COL12A1: variants seen among roughly 807,000 people sequenced by gnomAD.
COL12A1 encodes collagen alpha-1(XII) chain.
COL12A1 carries 114 observed loss-of-function variants against 349.7 expected under a neutral mutation model. That is an observed-to-expected ratio of 0.33 (90% CI 0.28 to 0.38). The LOEUF is 0.38. COL12A1 is among the 10% of genes least tolerant of loss of function. The probability of loss-of-function intolerance (pLI) is 1.00; values close to 1 mark genes in which losing one functional copy is unlikely to be tolerated. For synonymous variants in COL12A1, 1,369 were observed against 1,329.0 expected, an observed-to-expected ratio of 1.03 and a Z score of -0.66; for missense variants, 3,284 against 3,756.9, an observed-to-expected ratio of 0.87 and a Z score of 3.29.
intron 59 of COL12A1, among the ~76,000 whole-genome samples, chr6:75,096,411 A>G (rs1393607760): frequency 6.6e-6 from 1 of 152,150 alleles, no homozygotes; most frequent in Non-Finnish European, 1.5e-5. Flanking sequence ...ACCTCAAACA[A>G]TTTTACTGCG....
chr6:75,145,056 C>T (rs1767109295), intron 25 of COL12A1, among the ~76,000 whole-genome samples: 1 of 152,024 alleles, frequency 6.6e-6, no homozygotes, highest in Non-Finnish European at 1.5e-5. Flanking sequence ...GGCACCTAGC[C>T]AAGAGCAATA....
chr6:75,134,778 G>A lies in COL12A1; in HGVS notation c.5472C>T (p.Ser1824=). 1 of 1,613,212 alleles carries A rather than the reference G, an allele frequency of 6.2e-7. No homozygotes were observed. The highest frequency in any genetic ancestry group is 8.5e-7 in the Non-Finnish European group (1 of 1,179,412). The change falls in exon 32 of 66, where the codon TCC becomes TCT. Residue 1824 remains serine, a synonymous_variant. Transcript: ENST00000322507. Reference sequence around the variant, plus strand: ...CTCCTTCACCATCAGGATACAGAGAGGATACGGTGATAGTGTAAGGAGTGT... The same window carrying A: ...CTCCTTCACCATCAGGATACAGAGAAGATACGGTGATAGTGTAAGGAGTGT... ...KPDTPYTITV[S]SLYPDGEGGR... is the part of the protein sequence containing the mutation.
intron 52 of COL12A1, among the ~76,000 whole-genome samples, chr6:75,107,613 T>G (rs1768634285): frequency 6.6e-6 from 1 of 152,162 alleles, no homozygotes; most frequent in South Asian, 2.1e-4. Flanking sequence ...AAAGTAACAT[T>G]AAAGTAAATT....
rs77785146 is a variant in COL12A1 at position 75,176,907 on chromosome 6, C to T, written c.2437+756G>A. 2.0e-4 allele frequency among the ~76,000 whole-genome samples: 30 copies of T among 152,198 alleles called. No homozygotes were observed. In the East Asian group the frequency reaches 4.6e-3, roughly 24 times the overall value. On this transcript the variant is annotated intron_variant, in intron 12 of 65. Coordinates refer to ENST00000322507, the MANE Select transcript of COL12A1 (RefSeq NM_004370.6). Reference sequence around the variant, plus strand: ...CCTCACTTTTCCCCCAATGAAATCACGTATTAAACATTAATAATTTCAACA... The same window carrying T: ...CCTCACTTTTCCCCCAATGAAATCATGTATTAAACATTAATAATTTCAACA...
In COL12A1 at chr6:75,086,544, G is replaced by T. The variant is rs199859483; in HGVS notation, c.*3C>A. The stretch of plus-strand genomic sequence containing the variant: ...AAGCAGCACTGGCGACTTAGAAAAT[G>T]TGTTAGCCGGAACCTGAAACAGGTC... On this transcript the variant is annotated 3_prime_UTR_variant, in exon 66 of 66. Coordinates refer to ENST00000322507, the MANE Select transcript of COL12A1 (RefSeq NM_004370.6). 1 of 1,606,826 alleles carries T rather than the reference G, an allele frequency of 6.2e-7. No individual in the cohort carries two copies. The highest frequency in any genetic ancestry group is 8.5e-7 in the Non-Finnish European group (1 of 1,175,812).
At chr6:75,139,354 G>A (rs1463451530) in intron 27 of COL12A1, among the ~76,000 whole-genome samples, 1 of 152,016 alleles carries the variant, frequency 6.6e-6, no homozygotes, top group African/African-American at 2.4e-5. Flanking sequence ...TAGACTCTGG[G>A]TTAAGAAGTC....
At chr6:75,133,464 T>G in intron 33 of COL12A1, 42 bp from the exon 34 acceptor site, 1 of 1,576,398 alleles carries the variant, frequency 6.3e-7, no homozygotes, top group East Asian at 2.3e-5. Flanking sequence ...CTTGAAAAAT[T>G]TGTGAAAGAA....
At chr6:75,183,803 T>C in intron 9 of COL12A1, 51 bp downstream of exon 9, 1 of 1,594,116 alleles carries the variant, frequency 6.3e-7, no homozygotes. Flanking sequence ...AGGCATTCTG[T>C]CAAACAGATC....
chr6:75,164,967 CTAAGT>C (rs1451036836), intron 14 of COL12A1, among the ~76,000 whole-genome samples: 1 of 151,812 alleles, frequency 6.6e-6, no homozygotes, highest in African/African-American at 2.4e-5. Context: ...AATTAAAAAA[CTAAGT>C]TAAGTCTTGG....
At chr6:75,185,318 CACA>C (rs1260379427) in intron 8 of COL12A1, among the ~76,000 whole-genome samples, 2 of 152,062 alleles carry the variant, frequency 1.3e-5, no homozygotes, top group African/African-American at 4.8e-5. Flanking sequence ...CATTCCTATA[CACA>C]ACAACAGTCA....
Position 75,130,949 on chromosome 6 carries a change from A to G in COL12A1, c.5970T>C (p.His1990=), listed in dbSNP as rs1766272309. ...IVVPGNTRMV[H]LERLIPDTLY... Reference sequence around the variant, plus strand: ...GTGTGTCCGGAATCAGCCGCTCCAGATGCACCATGCGCGTGTTTCCTGGCA... The same window carrying G: ...GTGTGTCCGGAATCAGCCGCTCCAGGTGCACCATGCGCGTGTTTCCTGGCA... Residue 1990 remains histidine (H), a synonymous_variant, in exon 36 of 66, where the codon CAT becomes CAC. Coordinates refer to ENST00000322507, the MANE Select transcript of COL12A1 (RefSeq NM_004370.6). The G allele has an allele frequency of 4.3e-6, 7 of 1,614,020 alleles. No homozygotes were observed. Among genetic ancestry groups the G allele is most frequent in the South Asian group, 1.1e-5 (1 of 91,088 alleles).
intron 30 of COL12A1, among the ~76,000 whole-genome samples, chr6:75,137,975 G>T (rs1001527674): frequency 6.6e-6 from 1 of 151,762 alleles, no homozygotes; most frequent in African/African-American, 2.4e-5. Flanking sequence ...CCGAGAAAGG[G>T]GCTGGCTAGC....
chr6:75,155,344 TTGTG>T (rs1301458831), intron 16 of COL12A1, among the ~76,000 whole-genome samples: 5 of 152,134 alleles, frequency 3.3e-5, no homozygotes, highest in Non-Finnish European at 7.3e-5. Context: ...TTCGGTGACA[TTGTG>T]TAATAAGAAC....
At chr6:75,160,322 C>T (rs1269247902) in intron 14 of COL12A1, among the ~76,000 whole-genome samples, 1 of 152,142 alleles carries the variant, frequency 6.6e-6, no homozygotes, top group African/African-American at 2.4e-5. Flanking sequence ...TCAATGTATT[C>T]GTTTCATTGT....
intron 2 of COL12A1, among the ~76,000 whole-genome samples, chr6:75,198,606 C>G (rs1770356423): frequency 6.6e-6 from 1 of 151,978 alleles, no homozygotes; most frequent in Admixed American, 6.6e-5. Context: ...GCATTTAAAA[C>G]TAAAGTGTCC....
intron 12 of COL12A1, among the ~76,000 whole-genome samples, chr6:75,176,363 CT>C: frequency 7.5e-6 from 1 of 132,966 alleles, no homozygotes; most frequent in African/African-American, 2.9e-5. Context: ...GAGAGGGATG[CT>C]GTGGGAGGTG....
rs140922614 is a variant in COL12A1 at position 75,141,010 on chromosome 6, A to G, written c.4957+1022T>C. Reference sequence around the variant, plus strand: ...AGAAAAAAGGTAAAATGTCTCGTTAATAATTATTGTACTGATAGCTGTTGA... The same window carrying G: ...AGAAAAAAGGTAAAATGTCTCGTTAGTAATTATTGTACTGATAGCTGTTGA... On this transcript the variant is annotated intron_variant, in intron 27 of 65. Transcript: ENST00000322507. Among the ~76,000 whole-genome samples the G allele has an allele frequency of 1.8e-3, 281 of 152,334 alleles. 1 individual carries two copies. Among genetic ancestry groups the G allele is most frequent in the Middle Eastern group, 6.8e-3 (2 of 292 alleles).
intron 14 of COL12A1, among the ~76,000 whole-genome samples, chr6:75,160,974 C>A (rs1433677709): frequency 3.9e-5 from 6 of 151,970 alleles, no homozygotes; most frequent in Non-Finnish European, 8.8e-5. Context: ...AAATGAAAAC[C>A]AGTAACATAA....
intron 57 of COL12A1, 73 bp downstream of exon 57, chr6:75,101,926 G>A (rs1768322356): frequency 6.6e-7 from 1 of 1,505,882 alleles, no homozygotes; most frequent in Non-Finnish European, 9.2e-7. Context: ...CTTAATCTGG[G>A]TTCACCTTTT....
Sources: gnomAD v4.1 joint callset for allele counts (sites outside exome capture counted in the v4.1 genomes callset) on GRCh38, gnomAD v4.1.1 for gene constraint, MANE v1.5 for transcripts, NCBI Gene and HGNC (gene_info 2026-07-23, HGNC 2026-07-21) for gene names.